The following TNFAIP8L3 variants were observed in gnomAD, a reference collection of about 807,000 sequenced individuals.
TNFAIP8L3 encodes the protein TNF alpha induced protein 8 like 3, also known as tumor necrosis factor alpha-induced protein 8-like protein 3.
TNFAIP8L3 carries 7 observed loss-of-function variants against 11.8 expected under a neutral mutation model. The ratio of observed to expected loss-of-function variants is 0.59; its 90% CI spans 0.34 to 1.11. TNFAIP8L3 has a LOEUF of 1.11. Among genes scored for constraint, TNFAIP8L3 ranks in the 50% most tolerant of loss-of-function variants. The pLI, the probability that TNFAIP8L3 is intolerant of heterozygous loss-of-function variation, is 0.03. For missense variants in TNFAIP8L3, 219 were observed against 258.6 expected (o/e 0.85, Z 1.05); for synonymous variants, 98 against 103.8 (o/e 0.94, Z 0.34).
At chr15:51,097,128 C>A (rs2065518976), upstream of TNFAIP8L3, among the ~76,000 whole-genome samples, 1 of 152,088 alleles carries the variant, frequency 6.6e-6, no homozygotes, top group South Asian at 2.1e-4. Flanking sequence ...GTGAAACTTT[C>A]CCTGTTTCCT....
At chr15:51,099,902 C>G (rs2065538957), upstream of TNFAIP8L3, among the ~76,000 whole-genome samples, 1 of 152,112 alleles carries the variant, frequency 6.6e-6, no homozygotes, top group African/African-American at 2.4e-5. Flanking sequence ...CAATGTTACC[C>G]CAGTTCTCAA....
chr15:51,099,597 G>A (rs2065536601), upstream of TNFAIP8L3, among the ~76,000 whole-genome samples: 1 of 152,122 alleles, frequency 6.6e-6, no homozygotes, highest in Non-Finnish European at 1.5e-5. Context: ...GATCACACAT[G>A]GTGTGTGATC....
chr15:51,096,288 G>C (rs547674106), upstream of TNFAIP8L3, among the ~76,000 whole-genome samples: 2 of 152,232 alleles, frequency 1.3e-5, no homozygotes, highest in African/African-American at 4.8e-5. Flanking sequence ...TGTGTTTTCA[G>C]AAAACAAAGG....
chr15:51,067,845 C>A (rs912748267), intron 1 of TNFAIP8L3, among the ~76,000 whole-genome samples: 3 of 152,194 alleles, frequency 2.0e-5, no homozygotes, highest in Non-Finnish European at 4.4e-5. Context: ...CACATGTGAA[C>A]AGCAGGAAAA....
chr15:51,061,205 G>A (rs1021984145), intron 1 of TNFAIP8L3, among the ~76,000 whole-genome samples: 6 of 152,116 alleles, frequency 3.9e-5, no homozygotes, highest in African/African-American at 1.2e-4. Context: ...GTCTCACTAT[G>A]GTGGCCTCAA....
rs201294052 is a variant in TNFAIP8L3 at position 51,105,143 on chromosome 15, C to G, written c.34G>C (p.Val12Leu). Residue 12 changes from valine (V) to leucine (L), a missense_variant, in exon 1 of 3, where the codon GTT (valine) becomes CTT (leucine). By Grantham distance (32) the Val-to-Leu change is conservative. Transcript: ENST00000327536. ...GGCTCTGCCTCACAGAGTGTGGAAA[C>G]CAGTGTGCTTGGGTTTTGCCGTGGT... 131 of 1,613,966 alleles carry G rather than the reference C, an allele frequency of 8.1e-5. 1 individual carries two copies. Among genetic ancestry groups the G allele is most frequent in the Middle Eastern group, 3.4e-4 (2 of 5,970 alleles).
intron 1 of TNFAIP8L3, among the ~76,000 whole-genome samples, chr15:51,100,578 A>G (rs1395362363): frequency 6.6e-6 from 1 of 152,198 alleles, no homozygotes; most frequent in East Asian, 1.9e-4. Context: ...CTGTATTGCT[A>G]CAATAAGGGC....
exon 1 of TNFAIP8L3, chr15:51,105,031 A>C (rs755350405): frequency 6.2e-7 from 1 of 1,614,158 alleles, no homozygotes; most frequent in Admixed American, 1.7e-5. Context: ...CTGAAGATGA[A>C]AAGATAAGGG....
intron 1 of TNFAIP8L3, among the ~76,000 whole-genome samples, chr15:51,078,210 C>T (rs1209869731): frequency 4.0e-5 from 6 of 151,700 alleles, no homozygotes; most frequent in Non-Finnish European, 1.5e-5. Flanking sequence ...TAACCGCTCT[C>T]ACCAAGGTCA....
intron 1 of TNFAIP8L3, among the ~76,000 whole-genome samples, chr15:51,059,604 A>G (rs765029644): frequency 6.6e-6 from 1 of 152,260 alleles, no homozygotes; most frequent in Non-Finnish European, 1.5e-5. Flanking sequence ...GACAGAGGCA[A>G]TGTCTCCCAC....
chr15:51,097,862 G>GA (rs67230213), upstream of TNFAIP8L3, among the ~76,000 whole-genome samples: 1 of 151,786 alleles, frequency 6.6e-6, no homozygotes, highest in Non-Finnish European at 1.5e-5. Context: ...TGTGGGGGGG[G>GA]AAAAACTCTT....
chr15:51,098,412 A>G (rs1263854627), upstream of TNFAIP8L3, among the ~76,000 whole-genome samples: 1 of 152,138 alleles, frequency 6.6e-6, no homozygotes, highest in African/African-American at 2.4e-5. Context: ...ATTTTTAATC[A>G]TTTGTCTCAA....
intron 1 of TNFAIP8L3, among the ~76,000 whole-genome samples, chr15:51,080,005 A>T (rs1567292406): frequency 6.6e-6 from 1 of 152,180 alleles, no homozygotes. Context: ...AGCTGTTTCA[A>T]TGAATAATTA....
intron 1 of TNFAIP8L3, among the ~76,000 whole-genome samples, chr15:51,087,325 C>T (rs2065436496): frequency 6.6e-6 from 1 of 152,200 alleles, no homozygotes. Context: ...GATGGCTCCC[C>T]TCACCTACCT....
chr15:51,101,483 T>G (rs34316637), intron 1 of TNFAIP8L3, among the ~76,000 whole-genome samples: 32,291 of 151,788 alleles, frequency 0.21, 3,551 homozygotes, highest in East Asian at 0.39. Context: ...TAGCCCAGCG[T>G]GGTGGTGCAT....
At chr15:51,097,907 C>G (rs2065525502), upstream of TNFAIP8L3, among the ~76,000 whole-genome samples, 2 of 151,966 alleles carry the variant, frequency 1.3e-5, no homozygotes, top group African/African-American at 4.8e-5. Flanking sequence ...TTCTGTAGTT[C>G]CTCTGTATAT....
intron 1 of TNFAIP8L3, among the ~76,000 whole-genome samples, chr15:51,076,620 G>C (rs2065352264): frequency 6.6e-6 from 1 of 152,212 alleles, no homozygotes; most frequent in South Asian, 2.1e-4. Flanking sequence ...CAAGATGCCA[G>C]GGTGTATCCA....
chr15:51,059,391 G>A (rs944063862), intron 1 of TNFAIP8L3, among the ~76,000 whole-genome samples: 8 of 152,092 alleles, frequency 5.3e-5, no homozygotes, highest in South Asian at 2.1e-4. Flanking sequence ...GAAAGAAATG[G>A]TTCATAATTT....
upstream of TNFAIP8L3, among the ~76,000 whole-genome samples, chr15:51,098,031 G>A (rs184235785): frequency 1.9e-4 from 29 of 152,236 alleles, no homozygotes; most frequent in Non-Finnish European, 8.8e-5. Flanking sequence ...TCAGATATAC[G>A]AGTTTCTACC....
Sources: gnomAD v4.1 joint callset for allele counts (sites outside exome capture counted in the v4.1 genomes callset) on GRCh38, gnomAD v4.1.1 for gene constraint, MANE v1.5 for transcripts, NCBI Gene and HGNC (gene_info 2026-07-23, HGNC 2026-07-21) for gene names.